DLGAP2: variants seen among roughly 807,000 people sequenced by gnomAD.
DLGAP2 encodes the protein DLG associated protein 2, also known as disks large-associated protein 2.
Under a neutral mutation model 100.3 loss-of-function variants are expected in DLGAP2, and 26 were observed. That is an observed-to-expected ratio of 0.26 (90% CI 0.19 to 0.36). The LOEUF (loss-of-function observed/expected upper bound fraction) is 0.36. Among genes scored for constraint, DLGAP2 ranks in the 10% least tolerant of loss-of-function variants. The probability of loss-of-function intolerance (pLI) is 1.00; values close to 1 mark genes in which losing one functional copy is unlikely to be tolerated. For missense variants in DLGAP2, 1,858 were observed against 1,453.2 expected (o/e 1.28, Z -4.53); for synonymous variants, 886 against 630.1 (o/e 1.41, Z -6.08).
rs776607840 is a variant in DLGAP2 at position 1,549,351 on chromosome 8, G to A, written c.898G>A (p.Asp300Asn). 1.1e-5 allele frequency: 18 copies of A among 1,613,266 alleles called. No individual in the cohort carries two copies. Among genetic ancestry groups the A allele is most frequent in the Non-Finnish European group, 1.5e-5 (18 of 1,179,780 alleles). ...CGGCATGAGCAGCTGGTGGAGCTCG[G>A]ACGACAACCTGGACAGCGACAGCAC... ...RPGMSSWWSS[D>N]DNLDSDSTYR... Residue 300 changes from aspartate to asparagine, a missense_variant, in exon 5 of 15, where the codon GAC becomes AAC. Coordinates refer to ENST00000637795, the MANE Select transcript of DLGAP2 (RefSeq NM_001346810.2).
intron 2 of DLGAP2, among the ~76,000 whole-genome samples, chr8:1,221,078 G>T (rs1303054528): frequency 6.6e-6 from 1 of 152,154 alleles, no homozygotes; most frequent in Non-Finnish European, 1.5e-5. Flanking sequence ...CCTTTTAACT[G>T]GGGGTGTTTA....
chr8:1,529,525 G>T (rs1800914198), intron 4 of DLGAP2, among the ~76,000 whole-genome samples: 1 of 152,158 alleles, frequency 6.6e-6, no homozygotes, highest in Non-Finnish European at 1.5e-5. Context: ...AAAAATTCAT[G>T]TTTATAGAAA....
intron 3 of DLGAP2, among the ~76,000 whole-genome samples, chr8:1,412,766 G>C (rs1252147404): frequency 1.3e-5 from 2 of 152,200 alleles, no homozygotes; most frequent in African/African-American, 4.8e-5. Context: ...TGCCAGCTGT[G>C]ATGGCCATTC....
intron 6 of DLGAP2, among the ~76,000 whole-genome samples, chr8:1,593,281 C>G (rs137939957): frequency 0.019 from 2,936 of 151,900 alleles, 84 homozygotes; most frequent in African/African-American, 0.066. Flanking sequence ...GGTGCAACCC[C>G]GTCTCTACTA....
intron 3 of DLGAP2, among the ~76,000 whole-genome samples, chr8:1,451,682 C>A (rs142425764): frequency 0.01 from 1,594 of 152,284 alleles, 14 homozygotes; most frequent in Non-Finnish European, 0.017. Flanking sequence ...CCAGCAGCCC[C>A]TTCTCAGCCA....
chr8:1,387,031 C>T (rs1796236617), intron 3 of DLGAP2, among the ~76,000 whole-genome samples: 1 of 152,146 alleles, frequency 6.6e-6, no homozygotes. Flanking sequence ...AATTGGACGT[C>T]ATATTGGTAA....
At chr8:997,769 G>A (rs1281410962) in intron 2 of DLGAP2, among the ~76,000 whole-genome samples, 3 of 152,092 alleles carry the variant, frequency 2.0e-5, no homozygotes, top group African/African-American at 4.8e-5. Context: ...GCGTTTTCTC[G>A]TGCATTTTCT....
rs539656692 is a variant in DLGAP2 at position 1,268,559 on chromosome 8, A to G, written c.106+9676A>G. Among the ~76,000 whole-genome samples, 5 of 152,322 alleles carry G rather than the reference A, an allele frequency of 3.3e-5. 1 individual carries two copies. In the East Asian group the frequency reaches 9.7e-4, roughly 29 times the overall value. ...AGAACATCATTCGTGCCATTTCACA[A>G]GAAGCATAAAATGCCCCCAATTTAA... On this transcript the variant is annotated intron_variant, in intron 3 of 14. Transcript: ENST00000637795.
chr8:1,457,075 G>A (rs571271973), intron 3 of DLGAP2, among the ~76,000 whole-genome samples: 87 of 152,274 alleles, frequency 5.7e-4, no homozygotes, highest in Non-Finnish European at 1.0e-3. Context: ...TGTTCCCTCC[G>A]TGCCCCTAGT....
intron 2 of DLGAP2, among the ~76,000 whole-genome samples, chr8:1,187,357 A>C (rs1420909769): frequency 4.5e-5 from 6 of 133,390 alleles, no homozygotes; most frequent in African/African-American, 1.9e-4. Flanking sequence ...CGTTTCCCTC[A>C]CGGAATCTCA....
chr8:1,576,534 G>C (rs928474674), intron 6 of DLGAP2, among the ~76,000 whole-genome samples: 8 of 152,144 alleles, frequency 5.3e-5, no homozygotes, highest in Non-Finnish European at 1.2e-4. Context: ...TACACATGAA[G>C]TCCTTGCCCA....
intron 1 of DLGAP2, among the ~76,000 whole-genome samples, chr8:865,380 G>A (rs942934438): frequency 6.6e-6 from 1 of 152,214 alleles, no homozygotes; most frequent in South Asian, 2.1e-4. Context: ...TGGGTTTTAA[G>A]ATTGTGCTCT....
chr8:1,079,404 GTTC>G (rs1241845898), intron 2 of DLGAP2, among the ~76,000 whole-genome samples: 3 of 152,080 alleles, frequency 2.0e-5, no homozygotes, highest in Non-Finnish European at 2.9e-5. Flanking sequence ...AGTGCCTTAA[GTTC>G]TTCTGCATTA....
intron 3 of DLGAP2, among the ~76,000 whole-genome samples, chr8:1,278,011 T>G (rs1239236070): frequency 3.3e-5 from 5 of 152,220 alleles, no homozygotes; most frequent in Non-Finnish European, 5.9e-5. Flanking sequence ...GTTATTATTT[T>G]TAGTCATCAT....
At position 1,204,540 on chromosome 8, in the gene DLGAP2, T is replaced by TTG. The variant is rs1288961229; in HGVS notation, c.74-54299_74-54298dup. 6.6e-5 allele frequency among the ~76,000 whole-genome samples: 10 copies of TTG among 151,302 alleles called. No homozygotes were observed. The East Asian group carries it at 1.4e-3, about 21-fold the overall frequency. On this transcript the variant is annotated intron_variant, in intron 2 of 14. Coordinates refer to ENST00000637795, the MANE Select transcript of DLGAP2 (RefSeq NM_001346810.2). ...CCTGGTGAAACTGGACAAAGAACAC[T>TTG]TGTGTGTGTGTGTATATGTCTATAT...
At chr8:931,522 A>AT (rs1798956526) in intron 2 of DLGAP2, among the ~76,000 whole-genome samples, 1 of 152,048 alleles carries the variant, frequency 6.6e-6, no homozygotes. Context: ...CTCGGCCGTT[A>AT]TTTTTAGGCA....
intron 3 of DLGAP2, among the ~76,000 whole-genome samples, chr8:1,367,411 C>T (rs1585305016): frequency 6.6e-6 from 1 of 152,332 alleles, no homozygotes; most frequent in African/African-American, 2.4e-5. Context: ...CCAACTAGCA[C>T]ACAAAAATTA....
At chr8:1,347,652 C>G (rs989663166) in intron 3 of DLGAP2, among the ~76,000 whole-genome samples, 1 of 150,950 alleles carries the variant, frequency 6.6e-6, no homozygotes, top group Non-Finnish European at 1.5e-5. Flanking sequence ...AGGTTGAGTT[C>G]CCACACAGAG....
At chr8:1,268,271 G>C (rs774729349) in intron 3 of DLGAP2, among the ~76,000 whole-genome samples, 1 of 152,170 alleles carries the variant, frequency 6.6e-6, no homozygotes, top group Non-Finnish European at 1.5e-5. Context: ...GGTTTAGTGT[G>C]ATTGGAGAAA....
Sources: allele counts gnomAD v4.1 joint callset (sites outside exome capture counted in the v4.1 genomes callset), GRCh38; gene constraint gnomAD v4.1.1; transcripts MANE v1.5; gene names NCBI Gene and HGNC (gene_info 2026-07-23, HGNC 2026-07-21).